Variants in LRRTM4 observed in about 807,000 individuals in gnomAD.
LRRTM4 encodes leucine rich repeat transmembrane neuronal 4.
Under a neutral mutation model 47.6 loss-of-function variants are expected in LRRTM4, and 25 were observed. That is an observed-to-expected ratio of 0.53 (90% CI 0.38 to 0.73). LRRTM4 has a LOEUF of 0.73. Ranked by LOEUF, LRRTM4 falls within the 30% of genes least tolerant of loss-of-function variation. The probability of loss-of-function intolerance (pLI) is 0.00; values close to 1 mark genes in which losing one functional copy is unlikely to be tolerated. For synonymous variants in LRRTM4, 311 were observed against 269.5 expected, an observed-to-expected ratio of 1.15 and a Z score of -1.51; for missense variants, 638 against 713.4, an observed-to-expected ratio of 0.89 and a Z score of 1.20.
At chr2:76,812,708 ATT>A (rs1558670662) in intron 3 of LRRTM4, among the ~76,000 whole-genome samples, 2 of 99,898 alleles carry the variant, frequency 2.0e-5, no homozygotes, top group African/African-American at 8.5e-5. Context: ...TTCTTTCTTT[ATT>A]TCTTTTTCTT....
intron 3 of LRRTM4, among the ~76,000 whole-genome samples, chr2:77,151,340 C>A (rs968547712): frequency 6.6e-6 from 1 of 152,100 alleles, no homozygotes; most frequent in Non-Finnish European, 1.5e-5. Flanking sequence ...CAATCTCAAT[C>A]CCCTGGCAAC....
chr2:77,022,526 G>T (rs551375343), intron 3 of LRRTM4, among the ~76,000 whole-genome samples: 2 of 152,078 alleles, frequency 1.3e-5, no homozygotes, highest in African/African-American at 4.8e-5. Flanking sequence ...CTGTAAAATC[G>T]AAAGCAAGCT....
At chr2:77,182,349 A>G (rs57577079) in intron 3 of LRRTM4, among the ~76,000 whole-genome samples, 16,104 of 152,012 alleles carry the variant, frequency 0.11, 905 homozygotes, top group East Asian at 0.23. Flanking sequence ...CATGTTTTCA[A>G]CACTCACAAG....
intron 3 of LRRTM4, among the ~76,000 whole-genome samples, chr2:76,807,718 A>C: frequency 6.7e-6 from 1 of 149,982 alleles, no homozygotes; most frequent in Non-Finnish European, 1.5e-5. Flanking sequence ...CAGCCTCCCG[A>C]GTAGTTGGGA....
rs557864299 is a variant in LRRTM4 at position 77,430,997 on chromosome 2, C to G, written c.1551+87321G>C. Among the ~76,000 whole-genome samples the G allele has an allele frequency of 2.4e-3, 350 of 148,804 alleles. 9 individuals are homozygous for G. The highest frequency in any genetic ancestry group is 6.2e-3 in the South Asian group (30 of 4,812). On this transcript the variant is annotated intron_variant, in intron 3 of 3. Coordinates refer to ENST00000409884, the MANE Select transcript of LRRTM4 (RefSeq NM_001134745.3). ...TCTCCAGCCATTGGACATCCGAACT[C>G]TAGGTTTTCTGGCCTTTAGACTCTG...
intron 3 of LRRTM4, among the ~76,000 whole-genome samples, chr2:77,243,498 T>C (rs1335803707): frequency 1.3e-5 from 2 of 151,432 alleles, no homozygotes; most frequent in African/African-American, 4.8e-5. Flanking sequence ...GTTAAATTTA[T>C]AGAGATAGAA....
chr2:77,139,492 C>G (rs1672052309), intron 3 of LRRTM4, among the ~76,000 whole-genome samples: 1 of 152,094 alleles, frequency 6.6e-6, no homozygotes, highest in East Asian at 1.9e-4. Context: ...ATAATAAGAG[C>G]TATTTATGAC....
intron 3 of LRRTM4, among the ~76,000 whole-genome samples, chr2:77,228,667 T>C (rs1293227853): frequency 6.6e-6 from 1 of 152,218 alleles, no homozygotes; most frequent in East Asian, 1.9e-4. Context: ...CCATTAAAGC[T>C]GAGTTAGCAA....
chr2:76,782,039 C>T (rs1035766158), intron 3 of LRRTM4, among the ~76,000 whole-genome samples: 1 of 152,276 alleles, frequency 6.6e-6, no homozygotes, highest in South Asian at 2.1e-4. Flanking sequence ...CTTTCACCTT[C>T]CTTTTGCTTT....
At chr2:77,039,926 TTTAAAA>T (rs1678968090) in intron 3 of LRRTM4, among the ~76,000 whole-genome samples, 2 of 151,074 alleles carry the variant, frequency 1.3e-5, no homozygotes, top group African/African-American at 2.4e-5. Flanking sequence ...ATAAAATATT[TTTAAAA>T]TAATTATTTT....
intron 3 of LRRTM4, among the ~76,000 whole-genome samples, chr2:76,844,610 A>C (rs1671785500): frequency 6.6e-6 from 1 of 152,058 alleles, no homozygotes; most frequent in Non-Finnish European, 1.5e-5. Flanking sequence ...ACAAGCCAAG[A>C]AGCAAACAAT....
At chr2:77,125,533 G>A (rs1671632365) in intron 3 of LRRTM4, among the ~76,000 whole-genome samples, 1 of 152,030 alleles carries the variant, frequency 6.6e-6, no homozygotes, top group Non-Finnish European at 1.5e-5. Flanking sequence ...TTACACTAAG[G>A]CAATAAAAGT....
At chr2:76,989,291 A>C (rs1200535281) in intron 3 of LRRTM4, among the ~76,000 whole-genome samples, 1 of 151,818 alleles carries the variant, frequency 6.6e-6, no homozygotes, top group Non-Finnish European at 1.5e-5. Flanking sequence ...CATACTTCCC[A>C]AATTGCTACT....
chr2:77,226,730 A>G (rs576441256), intron 3 of LRRTM4, among the ~76,000 whole-genome samples: 1 of 152,074 alleles, frequency 6.6e-6, no homozygotes, highest in Admixed American at 6.6e-5. Context: ...TCCAACAGAC[A>G]TCCTATAAAC....
intron 3 of LRRTM4, among the ~76,000 whole-genome samples, chr2:77,169,194 AT>A (rs1672974090): frequency 6.6e-6 from 1 of 152,114 alleles, no homozygotes; most frequent in East Asian, 1.9e-4. Context: ...CACCATTCTT[AT>A]TTAATATAGT....
intron 3 of LRRTM4, among the ~76,000 whole-genome samples, chr2:76,788,001 G>A (rs1674771833): frequency 6.6e-6 from 1 of 152,068 alleles, no homozygotes. Flanking sequence ...ATTTAACAAA[G>A]TTAATATATG....
intron 3 of LRRTM4, among the ~76,000 whole-genome samples, chr2:77,150,683 TTGTC>T (rs1189432953): frequency 2.0e-4 from 31 of 152,220 alleles, no homozygotes; most frequent in Non-Finnish European, 4.6e-4. Flanking sequence ...AGCACAATGG[TTGTC>T]TGTTAAAAGA....
chr2:77,092,021 G>C (rs368737106), intron 3 of LRRTM4, among the ~76,000 whole-genome samples: 3 of 151,460 alleles, frequency 2.0e-5, no homozygotes, highest in Non-Finnish European at 4.4e-5. Context: ...TCATGTCTGC[G>C]TGCAGCGGCT....
At chr2:76,820,929 C>G (rs1327202634) in intron 3 of LRRTM4, among the ~76,000 whole-genome samples, 1 of 151,500 alleles carries the variant, frequency 6.6e-6, no homozygotes, top group Non-Finnish European at 1.5e-5. Context: ...TTAGGGCAAA[C>G]TGGTAGGACA....
Sources: allele counts gnomAD v4.1 joint callset (sites outside exome capture counted in the v4.1 genomes callset), GRCh38; gene constraint gnomAD v4.1.1; transcripts MANE v1.5; gene names NCBI Gene and HGNC (gene_info 2026-07-23, HGNC 2026-07-21).